Variants in SH3RF3 observed in about 807,000 individuals in gnomAD.
SH3RF3 encodes SH3 domain containing ring finger 3.
In SH3RF3, 29 loss-of-function variants were observed where a neutral mutation model predicts 66.3. That is an observed-to-expected ratio of 0.44 (90% CI 0.33 to 0.60). SH3RF3 has a LOEUF of 0.60. Among genes scored for constraint, SH3RF3 ranks in the 20% least tolerant of loss-of-function variants. SH3RF3 has a pLI of 0.04. For missense variants in SH3RF3, 1,194 were observed against 1,190.9 expected (o/e 1.00, Z -0.04); for synonymous variants, 583 against 532.0 (o/e 1.10, Z -1.32).
chr2:109,457,889 A>G (rs1463166243), intron 8 of SH3RF3, among the ~76,000 whole-genome samples: 1 of 152,208 alleles, frequency 6.6e-6, no homozygotes, highest in Non-Finnish European at 1.5e-5. Flanking sequence ...AGAAGGCAAC[A>G]AAGTCAGCAT....
chr2:109,354,437 G>T (rs2105594054), intron 2 of SH3RF3, among the ~76,000 whole-genome samples: 1 of 152,366 alleles, frequency 6.6e-6, no homozygotes, highest in South Asian at 2.1e-4. Context: ...GCAGGGCTGT[G>T]GGCCACTCAT....
chr2:109,139,702 C>T (rs757678386), intron 1 of SH3RF3, among the ~76,000 whole-genome samples: 3 of 152,140 alleles, frequency 2.0e-5, no homozygotes, highest in Non-Finnish European at 4.4e-5. Context: ...AATGAGGTGA[C>T]GTATATCAGA....
intron 1 of SH3RF3, among the ~76,000 whole-genome samples, chr2:109,292,588 C>T (rs1271145870): frequency 1.3e-5 from 2 of 152,160 alleles, no homozygotes; most frequent in Non-Finnish European, 2.9e-5. Flanking sequence ...ACATTGCATT[C>T]CCTGATTTCT....
At chr2:109,227,096 C>A (rs1679390529) in intron 1 of SH3RF3, among the ~76,000 whole-genome samples, 1 of 152,232 alleles carries the variant, frequency 6.6e-6, no homozygotes, top group Admixed American at 6.5e-5. Flanking sequence ...TTTCTGGGGT[C>A]TTTGCTGGAA....
chr2:109,438,508 C>T (rs1032767839), intron 7 of SH3RF3, among the ~76,000 whole-genome samples: 6 of 152,194 alleles, frequency 3.9e-5, no homozygotes, highest in African/African-American at 1.4e-4. Context: ...TCAGAGCCTT[C>T]AAGACCTACT....
chr2:109,183,557 T>G (rs1678116862), intron 1 of SH3RF3, among the ~76,000 whole-genome samples: 1 of 152,050 alleles, frequency 6.6e-6, no homozygotes, highest in Non-Finnish European at 1.5e-5. Context: ...CATTTGAGTC[T>G]TACCCCAGCT....
intron 1 of SH3RF3, among the ~76,000 whole-genome samples, chr2:109,253,039 T>A (rs75528469): frequency 2.6e-4 from 40 of 152,118 alleles, no homozygotes; most frequent in Admixed American, 9.2e-4. Flanking sequence ...TCTTTTTTTT[T>A]ATTTAAGAGC....
chr2:109,427,344 A>G (rs947676292), intron 5 of SH3RF3, among the ~76,000 whole-genome samples: 15 of 152,254 alleles, frequency 9.9e-5, no homozygotes, highest in South Asian at 6.2e-4. Flanking sequence ...ACGCTACTGT[A>G]TAGTATAAAT....
chr2:109,405,582 G>A (rs1676432607), intron 4 of SH3RF3, among the ~76,000 whole-genome samples: 1 of 152,116 alleles, frequency 6.6e-6, no homozygotes, highest in Non-Finnish European at 1.5e-5. Context: ...CCCTTTTGCT[G>A]CCCCTCAGCA....
intron 1 of SH3RF3, among the ~76,000 whole-genome samples, chr2:109,277,677 G>C (rs757743795): frequency 1.2e-4 from 18 of 152,144 alleles, no homozygotes; most frequent in Non-Finnish European, 2.1e-4. Flanking sequence ...TCCCACTCAG[G>C]GTGCCTCCCA....
At chr2:109,211,809 T>G (rs1678988127) in intron 1 of SH3RF3, among the ~76,000 whole-genome samples, 1 of 152,068 alleles carries the variant, frequency 6.6e-6, no homozygotes, top group Admixed American at 6.6e-5. Flanking sequence ...TGCCCAGCTA[T>G]TTTTTGTATT....
chr2:109,475,768 G>T (rs1393273125), intron 8 of SH3RF3, among the ~76,000 whole-genome samples: 3 of 152,236 alleles, frequency 2.0e-5, no homozygotes, highest in Non-Finnish European at 4.4e-5. Context: ...CTCGGGGGCA[G>T]AATCACCCTG....
At position 109,267,289 on chromosome 2, in the gene SH3RF3, G is replaced by T. The variant is rs183359207; in HGVS notation, c.574-80385G>T. Among the ~76,000 whole-genome samples the T allele has an allele frequency of 4.2e-3, 641 of 152,256 alleles. 6 individuals carry two copies. The highest frequency in any genetic ancestry group is 8.1e-3 in the South Asian group (39 of 4,824). On this transcript the variant is annotated intron_variant, in intron 1 of 9. Transcript: ENST00000309415. ...ATAGCTTCCTGTTAGGTCTGTGGGA[G>T]GTCATGGCTGGTGAAAGGGCAGGAT...
chr2:109,209,406 A>G (rs914151529), intron 1 of SH3RF3, among the ~76,000 whole-genome samples: 1 of 152,126 alleles, frequency 6.6e-6, no homozygotes, highest in Non-Finnish European at 1.5e-5. Flanking sequence ...GTCCATTTCC[A>G]GGGTGTAAAC....
intron 1 of SH3RF3, among the ~76,000 whole-genome samples, chr2:109,141,303 A>G (rs995941583): frequency 6.6e-6 from 1 of 152,020 alleles, no homozygotes; most frequent in Non-Finnish European, 1.5e-5. Context: ...CGGCTTTTGC[A>G]GTTGCCACTG....
chr2:109,378,287 A>G (rs1049049218), intron 3 of SH3RF3, among the ~76,000 whole-genome samples: 14 of 152,048 alleles, frequency 9.2e-5, no homozygotes, highest in African/African-American at 2.9e-4. Context: ...TCCTCCTTCC[A>G]AAGACCCCCT....
At chr2:109,253,031 T>TC (rs1553491905) in intron 1 of SH3RF3, among the ~76,000 whole-genome samples, 1 of 149,252 alleles carries the variant, frequency 6.7e-6, no homozygotes, top group African/African-American at 2.4e-5. Context: ...TTTTTTTTTC[T>TC]TTTTTTTTAT....
intron 8 of SH3RF3, among the ~76,000 whole-genome samples, chr2:109,474,989 GT>G (rs1213799340): frequency 1.3e-5 from 2 of 151,174 alleles, no homozygotes; most frequent in African/African-American, 4.9e-5. Flanking sequence ...TTGTTTGTTT[GT>G]TTTTTTGAGA....
chr2:109,467,589 A>C (rs1425460206), intron 8 of SH3RF3, among the ~76,000 whole-genome samples: 1 of 152,224 alleles, frequency 6.6e-6, no homozygotes, highest in African/African-American at 2.4e-5. Context: ...CTAAGTCAAA[A>C]CTTGTCAAAT....
Sources: allele counts gnomAD v4.1 joint callset (sites outside exome capture counted in the v4.1 genomes callset), GRCh38; gene constraint gnomAD v4.1.1; transcripts MANE v1.5; gene names NCBI Gene and HGNC (gene_info 2026-07-23, HGNC 2026-07-21).